The following CALN1 variants were observed in gnomAD, a reference collection of about 807,000 sequenced individuals.
CALN1 encodes calcium-binding protein 8.
Under a neutral mutation model 30.6 loss-of-function variants are expected in CALN1, and 17 were observed. That is an observed-to-expected ratio of 0.56 (90% CI 0.38 to 0.83). CALN1 has a LOEUF of 0.83. CALN1 is among the 40% of genes least tolerant of loss of function. The pLI is 0.00. For synonymous variants in CALN1, 156 were observed against 131.4 expected, an observed-to-expected ratio of 1.19 and a Z score of -1.28; for missense variants, 291 against 354.9, an observed-to-expected ratio of 0.82 and a Z score of 1.45.
At chr7:72,305,223 T>G (rs1799569026) in intron 2 of CALN1, among the ~76,000 whole-genome samples, 1 of 152,156 alleles carries the variant, frequency 6.6e-6, no homozygotes. Context: ...CTTCAGGTAA[T>G]TAGATGAACG....
chr7:71,899,183 G>A (rs954669605), intron 5 of CALN1, among the ~76,000 whole-genome samples: 5 of 136,486 alleles, frequency 3.7e-5, no homozygotes, highest in Non-Finnish European at 6.1e-5. Flanking sequence ...TTCACTCGTC[G>A]CCCAGGCTGG....
At chr7:71,902,197 C>T (rs564086008) in intron 5 of CALN1, among the ~76,000 whole-genome samples, 1 of 151,898 alleles carries the variant, frequency 6.6e-6, no homozygotes, top group Admixed American at 6.6e-5. Flanking sequence ...GCACTCCAGC[C>T]TGGGTGACAA....
chr7:71,921,712 T>A (rs1346039482), intron 5 of CALN1, among the ~76,000 whole-genome samples: 1 of 152,190 alleles, frequency 6.6e-6, no homozygotes, highest in Non-Finnish European at 1.5e-5. Context: ...AATCTGAATC[T>A]GCAGATTTTT....
intron 4 of CALN1, among the ~76,000 whole-genome samples, chr7:72,043,021 C>T (rs901110273): frequency 3.3e-5 from 5 of 152,156 alleles, no homozygotes; most frequent in African/African-American, 9.7e-5. Flanking sequence ...ATAAACATTT[C>T]GACCTAGAGC....
chr7:72,276,037 G>A (rs1248914427), intron 3 of CALN1, among the ~76,000 whole-genome samples: 1 of 152,164 alleles, frequency 6.6e-6, no homozygotes, highest in Non-Finnish European at 1.5e-5. Context: ...GGCAAAGTTG[G>A]GAAGGAGGAA....
chr7:72,451,946 A>T (rs1442563437), upstream of CALN1, among the ~76,000 whole-genome samples: 1 of 152,102 alleles, frequency 6.6e-6, no homozygotes. Context: ...AGATGGGAAG[A>T]TCACTTGAGC....
At chr7:72,095,878 A>G (rs1430648247) in intron 4 of CALN1, among the ~76,000 whole-genome samples, 1 of 152,068 alleles carries the variant, frequency 6.6e-6, no homozygotes, top group East Asian at 1.9e-4. Flanking sequence ...CAAATAATAA[A>G]AAATAAAAAT....
chr7:72,303,330 A>C (rs1799424343), intron 2 of CALN1, among the ~76,000 whole-genome samples: 1 of 152,138 alleles, frequency 6.6e-6, no homozygotes, highest in Non-Finnish European at 1.5e-5. Flanking sequence ...ACTGCATACC[A>C]GGTGGCCAGA....
chr7:71,824,304 C>T (rs990967651), intron 5 of CALN1, among the ~76,000 whole-genome samples: 4 of 152,064 alleles, frequency 2.6e-5, no homozygotes, highest in African/African-American at 4.8e-5. Flanking sequence ...CAATCATTGT[C>T]CCCCCAAAAT....
At chr7:72,032,052 C>CTTTTTTTTTTTTT (rs1184047697) in intron 4 of CALN1, among the ~76,000 whole-genome samples, 1 of 66,566 alleles carries the variant, frequency 1.5e-5, no homozygotes, top group Admixed American at 2.0e-4. Flanking sequence ...TGGCTCCTGG[C>CTTTTTTTTTTTTT]TTTTTTTTTT....
chr7:71,976,066 A>G (rs17144164), intron 5 of CALN1, among the ~76,000 whole-genome samples: 34,027 of 151,572 alleles, frequency 0.22, 6,006 homozygotes, highest in African/African-American at 0.48. Flanking sequence ...CCAACCATTC[A>G]CACCAGACTG....
At chr7:71,885,656 G>A (rs1792858606) in intron 5 of CALN1, among the ~76,000 whole-genome samples, 1 of 152,196 alleles carries the variant, frequency 6.6e-6, no homozygotes, top group Non-Finnish European at 1.5e-5. Context: ...TTTCTTTTGG[G>A]AGTGAGTTCT....
chr7:72,243,402 T>C (rs1400211005), intron 3 of CALN1, among the ~76,000 whole-genome samples: 1 of 152,204 alleles, frequency 6.6e-6, no homozygotes, highest in African/African-American at 2.4e-5. Context: ...CTGACCATGA[T>C]AAGAAGTAAT....
chr7:71,996,610 T>C (rs1225365129), intron 5 of CALN1, among the ~76,000 whole-genome samples: 1 of 152,174 alleles, frequency 6.6e-6, no homozygotes, highest in Non-Finnish European at 1.5e-5. Flanking sequence ...TATGTACCAC[T>C]TTCTTTATCC....
At chr7:71,884,839 T>C (rs1339020920) in intron 5 of CALN1, among the ~76,000 whole-genome samples, 1 of 152,204 alleles carries the variant, frequency 6.6e-6, no homozygotes, top group Non-Finnish European at 1.5e-5. Flanking sequence ...AATCTGCATC[T>C]ATAATAATCT....
intron 5 of CALN1, among the ~76,000 whole-genome samples, chr7:71,839,814 T>G (rs147501733): frequency 3.3e-5 from 5 of 152,296 alleles, no homozygotes; most frequent in African/African-American, 1.2e-4. Context: ...AGACAGATAC[T>G]GCATTCCCTT....
At chr7:71,796,361 T>TC (rs1334098410) in intron 6 of CALN1, among the ~76,000 whole-genome samples, 49 of 147,874 alleles carry the variant, frequency 3.3e-4, no homozygotes, top group African/African-American at 9.1e-4. Context: ...TTTCTTTCTT[T>TC]TTTTTTTTTT....
intron 3 of CALN1, among the ~76,000 whole-genome samples, chr7:72,117,422 G>A (rs1197917609): frequency 6.6e-6 from 1 of 152,136 alleles, no homozygotes; most frequent in African/African-American, 2.4e-5. Flanking sequence ...GATTTGGTAT[G>A]TTATTACCTT....
At chr7:72,067,007 T>C (rs962298815) in intron 4 of CALN1, among the ~76,000 whole-genome samples, 2 of 151,912 alleles carry the variant, frequency 1.3e-5, no homozygotes, top group East Asian at 1.9e-4. Context: ...CAGGGTGGTT[T>C]TGAACTCCTG....
Sources: gnomAD v4.1 joint callset for allele counts (sites outside exome capture counted in the v4.1 genomes callset) on GRCh38, gnomAD v4.1.1 for gene constraint, MANE v1.5 for transcripts, NCBI Gene and HGNC (gene_info 2026-07-23, HGNC 2026-07-21) for gene names.